The following PARD3B variants were observed in gnomAD, a reference collection of about 807,000 sequenced individuals.
PARD3B encodes the protein partitioning defective 3 homolog B.
PARD3B carries 103 observed loss-of-function variants against 130.2 expected under a neutral mutation model. The observed-to-expected ratio is 0.79, with a 90% CI of 0.67 to 0.93. PARD3B has a LOEUF of 0.93. Ranked by LOEUF, PARD3B falls within the 40% of genes least tolerant of loss-of-function variation. PARD3B has a pLI of 0.00. For synonymous variants in PARD3B, 583 were observed against 553.2 expected (o/e 1.05, Z -0.76); for missense variants, 1,609 against 1,499.2 (o/e 1.07, Z -1.21).
At chr2:205,386,137 C>T (rs146822978) in intron 18 of PARD3B, among the ~76,000 whole-genome samples, 9 of 152,204 alleles carry the variant, frequency 5.9e-5, no homozygotes, top group African/African-American at 2.2e-4. Context: ...TTGTCTTTCA[C>T]CTGTGAAAAT....
chr2:204,933,184 C>A (rs1688156652), intron 2 of PARD3B, among the ~76,000 whole-genome samples: 1 of 152,198 alleles, frequency 6.6e-6, no homozygotes, highest in South Asian at 2.1e-4. Flanking sequence ...CTGTGCACAT[C>A]CTGCATATCT....
chr2:204,823,580 G>A (rs2043450907), intron 2 of PARD3B, among the ~76,000 whole-genome samples: 1 of 151,968 alleles, frequency 6.6e-6, no homozygotes, highest in African/African-American at 2.4e-5. Context: ...ATGCATACTG[G>A]GGAGCTGTAT....
At chr2:205,449,138 C>T (rs2048009787) in intron 20 of PARD3B, among the ~76,000 whole-genome samples, 1 of 146,760 alleles carries the variant, frequency 6.8e-6, no homozygotes. Flanking sequence ...TGCACTCCAG[C>T]CTGGGCAACA....
At chr2:205,340,837 A>G (rs11695465) in intron 18 of PARD3B, among the ~76,000 whole-genome samples, 90,409 of 152,000 alleles carry the variant, frequency 0.59, 30,575 homozygotes, top group South Asian at 0.77. Flanking sequence ...AATATTTACA[A>G]ACTGTTCATC....
intron 2 of PARD3B, among the ~76,000 whole-genome samples, chr2:204,896,462 A>G (rs1033776801): frequency 9.9e-5 from 15 of 152,160 alleles, no homozygotes; most frequent in African/African-American, 3.1e-4. Context: ...CACCTCGGAC[A>G]TGTTTATCCC....
chr2:205,428,096 C>A (rs1048039353), intron 19 of PARD3B, among the ~76,000 whole-genome samples: 2 of 152,006 alleles, frequency 1.3e-5, no homozygotes, highest in African/African-American at 2.4e-5. Flanking sequence ...TAAAAGTGGC[C>A]CCAGAGGCTG....
Position 205,564,956 on chromosome 2 carries a change from C to T in PARD3B, c.3260+11553C>T, listed in dbSNP as rs2053269290. On this transcript the variant is annotated intron_variant, in intron 22 of 22. Transcript: ENST00000406610. The surrounding 1 kb of genome is among the most constrained non-coding windows in gnomAD (Gnocchi z 4.6). ...GCCCCACTCTGCAATCAGAACTGAC[C>T]CTTATGGCCGAACATGGAATGACAT... 6.6e-6 allele frequency among the ~76,000 whole-genome samples: 1 copy of T among 152,158 alleles called. No individual in the cohort carries two copies. The highest frequency in any genetic ancestry group is 6.5e-5 in the Admixed American group (1 of 15,268).
At chr2:204,899,386 A>G (rs2046777235) in intron 2 of PARD3B, among the ~76,000 whole-genome samples, 1 of 150,922 alleles carries the variant, frequency 6.6e-6, no homozygotes, top group Non-Finnish European at 1.5e-5. Flanking sequence ...AGTCTGTTGT[A>G]TGTTTTCTGA....
intron 1 of PARD3B, among the ~76,000 whole-genome samples, chr2:204,683,242 A>G (rs889460417): frequency 6.6e-6 from 1 of 152,208 alleles, no homozygotes; most frequent in Non-Finnish European, 1.5e-5. Flanking sequence ...TATTAGAGAT[A>G]TTTTCAAAAT....
chr2:205,202,428 A>G (rs1472488170), intron 15 of PARD3B, among the ~76,000 whole-genome samples: 1 of 152,214 alleles, frequency 6.6e-6, no homozygotes, highest in Non-Finnish European at 1.5e-5. Flanking sequence ...TTCAAGAAGA[A>G]TTTGACTTTG....
At chr2:204,638,011 A>G (rs1338754064) in intron 1 of PARD3B, among the ~76,000 whole-genome samples, 2 of 152,164 alleles carry the variant, frequency 1.3e-5, no homozygotes, top group Admixed American at 6.6e-5. Context: ...GTAAGAAACT[A>G]TCTCTAAGCT....
At chr2:205,069,884 C>T (rs1700618096) in intron 4 of PARD3B, among the ~76,000 whole-genome samples, 2 of 152,144 alleles carry the variant, frequency 1.3e-5, no homozygotes, top group Non-Finnish European at 2.9e-5. Context: ...TACACTGCCT[C>T]ATGTCAAGAT....
At chr2:205,400,701 A>T (rs2046220835) in intron 18 of PARD3B, among the ~76,000 whole-genome samples, 1 of 152,122 alleles carries the variant, frequency 6.6e-6, no homozygotes, top group Non-Finnish European at 1.5e-5. Flanking sequence ...GTAATAGAAG[A>T]ATCACAAAAC....
intron 2 of PARD3B, among the ~76,000 whole-genome samples, chr2:204,710,815 C>G (rs2038399111): frequency 6.6e-6 from 1 of 152,082 alleles, no homozygotes. Context: ...TAGTTTTTGT[C>G]TTCTCTCTAA....
At chr2:205,093,554 C>T (rs1389522080) in intron 4 of PARD3B, among the ~76,000 whole-genome samples, 1 of 152,098 alleles carries the variant, frequency 6.6e-6, no homozygotes, top group African/African-American at 2.4e-5. Context: ...ATTTGCCAGG[C>T]AAGCAATGGT....
intron 2 of PARD3B, among the ~76,000 whole-genome samples, chr2:204,898,333 T>C (rs1324604742): frequency 6.6e-6 from 1 of 152,118 alleles, no homozygotes; most frequent in East Asian, 1.9e-4. Flanking sequence ...TATTTTAAAA[T>C]GTATAATAAA....
At chr2:204,972,231 G>T (rs1278826397) in intron 3 of PARD3B, among the ~76,000 whole-genome samples, 3 of 151,976 alleles carry the variant, frequency 2.0e-5, no homozygotes, top group Non-Finnish European at 4.4e-5. Flanking sequence ...ACCTCCTTTT[G>T]CAGATGAATA....
intron 18 of PARD3B, among the ~76,000 whole-genome samples, chr2:205,349,655 T>C (rs369303648): frequency 1.3e-5 from 2 of 152,150 alleles, no homozygotes; most frequent in East Asian, 3.8e-4. Context: ...ATCAAAGATA[T>C]AATTAAACTT....
At chr2:205,326,156 T>C (rs1029438253) in intron 18 of PARD3B, among the ~76,000 whole-genome samples, 1 of 152,196 alleles carries the variant, frequency 6.6e-6, no homozygotes, top group Non-Finnish European at 1.5e-5. Flanking sequence ...TGGCCTTTAT[T>C]ATACCTCCTA....
Sources: gnomAD v4.1 joint callset for allele counts (sites outside exome capture counted in the v4.1 genomes callset) on GRCh38, gnomAD v4.1.1 for gene constraint, Gnocchi (gnomAD v3.1) non-coding constraint, MANE v1.5 for transcripts, NCBI Gene and HGNC (gene_info 2026-07-23, HGNC 2026-07-21) for gene names.